The following FARP2 variants were observed in gnomAD, a reference collection of about 807,000 sequenced individuals.
FARP2 encodes FERM, ARHGEF and pleckstrin domain-containing protein 2.
A neutral mutation model predicts 130.5 loss-of-function variants in FARP2; 111 were observed. That is an observed-to-expected ratio of 0.85 (90% CI 0.73 to 1.00). The LOEUF (loss-of-function observed/expected upper bound fraction) is 1.00, where lower values mean the gene tolerates loss of function less well. Ranked by LOEUF, FARP2 falls within the 50% of genes least tolerant of loss-of-function variation. The probability of loss-of-function intolerance (pLI) is 0.00; values close to 1 mark genes in which losing one functional copy is unlikely to be tolerated. For synonymous variants in FARP2, 504 were observed against 516.9 expected, an observed-to-expected ratio of 0.98 and a Z score of 0.34; for missense variants, 1,385 against 1,346.3, an observed-to-expected ratio of 1.03 and a Z score of -0.45.
At chr2:241,473,366 A>G (rs1363292014) in intron 18 of FARP2, among the ~76,000 whole-genome samples, 1 of 149,460 alleles carries the variant, frequency 6.7e-6, no homozygotes, top group South Asian at 2.1e-4. Flanking sequence ...GGCAGATGCT[A>G]TTCTGTGGGG....
intron 19 of FARP2, among the ~76,000 whole-genome samples, chr2:241,477,123 C>CTTTTTTTTTTTT (rs71406462): frequency 6.5e-5 from 8 of 122,646 alleles, no homozygotes; most frequent in Admixed American, 9.9e-5. Context: ...ATTCATGTTC[C>CTTTTTTTTTTTT]TTTTTTTTTT....
At position 241,417,894 on chromosome 2, in the gene FARP2, A is replaced by G. The variant is rs567497297; in HGVS notation, c.624-68A>G. 33 of 1,542,928 alleles carry G rather than the reference A, an allele frequency of 2.1e-5. No homozygotes were observed. The African/African-American group carries it at 3.5e-4, about 17-fold the overall frequency. On this transcript the variant is annotated intron_variant, in intron 7 of 26. Transcript: ENST00000264042. ...ATTGTTGGTTTTCCTGATCGCTTCT[A>G]TAATGCATTTTGGCTCTTTCAGAAA... is the stretch of plus-strand genomic sequence containing the variant.
intron 12 of FARP2, among the ~76,000 whole-genome samples, chr2:241,438,465 G>A (rs1006687833): frequency 2.0e-5 from 3 of 152,104 alleles, no homozygotes; most frequent in Non-Finnish European, 4.4e-5. Flanking sequence ...GCTGAGGTAT[G>A]AGGATCACTT....
At chr2:241,357,557 A>G (rs889248389) in intron 1 of FARP2, among the ~76,000 whole-genome samples, 5 of 152,218 alleles carry the variant, frequency 3.3e-5, no homozygotes, top group Non-Finnish European at 7.3e-5. Context: ...CTTCAGAGAC[A>G]TGACCAAGTT....
At chr2:241,452,725 G>A (rs1214108761) in intron 13 of FARP2, among the ~76,000 whole-genome samples, 1 of 152,058 alleles carries the variant, frequency 6.6e-6, no homozygotes, top group Admixed American at 6.6e-5. Context: ...TGGAGCACCT[G>A]AAGTCATGAG....
chr2:241,464,260 G>T (rs1474303564), intron 17 of FARP2, among the ~76,000 whole-genome samples: 1 of 150,792 alleles, frequency 6.6e-6, no homozygotes, highest in Non-Finnish European at 1.5e-5. Flanking sequence ...CTCAAAACAA[G>T]GTTTCCTGAG....
intron 22 of FARP2, among the ~76,000 whole-genome samples, chr2:241,490,551 TA>T (rs2064865270): frequency 6.6e-6 from 1 of 152,066 alleles, no homozygotes; most frequent in Non-Finnish European, 1.5e-5. Context: ...CCTCCCCAGA[TA>T]AGATCAACAG....
At chr2:241,456,167 T>C (rs1161514885) in intron 13 of FARP2, among the ~76,000 whole-genome samples, 2 of 152,240 alleles carry the variant, frequency 1.3e-5, no homozygotes, top group Non-Finnish European at 2.9e-5. Flanking sequence ...AAATTATTAC[T>C]GTGTTTTAGA....
rs985089288 is a variant in FARP2, at chr2:241,386,762, G to A, written c.183+13472G>A. On this transcript the variant is annotated intron_variant, in intron 2 of 26. Coordinates refer to ENST00000264042, the MANE Select transcript of FARP2 (RefSeq NM_014808.4). Reference sequence around the variant, plus strand: ...CCAGATTTGTTATCTTACAAACAGAGGGAGTTTCAGCAAGCTGCTGTTTTT... The same window carrying A: ...CCAGATTTGTTATCTTACAAACAGAAGGAGTTTCAGCAAGCTGCTGTTTTT... 3 of 152,350 alleles carry A rather than the reference G, an allele frequency of 2.0e-5. No homozygotes were observed. In the South Asian group the frequency reaches 6.2e-4, roughly 32 times the overall value. The allele number at this position is 152,350 out of a possible 1,614,324, so 9.4% of individuals were successfully genotyped here. A position where few individuals can be genotyped will look rare whatever the true frequency, so the allele number is the denominator to read the frequency against.
Position 241,463,355 on chromosome 2 carries a change from G to A in FARP2, c.1698G>A (p.Val566=), listed in dbSNP as rs758935424. 3 of 1,614,120 alleles carry A rather than the reference G, an allele frequency of 1.9e-6. No individual in the cohort carries two copies. Among genetic ancestry groups the A allele is most frequent in the Admixed American group, 3.3e-5 (2 of 60,030 alleles). Residue 566 remains valine, a synonymous_variant, in exon 16 of 27, where the codon GTG becomes GTA. Transcript: ENST00000264042. ...VITVWFRSAV[V]KEDAMPATLM... ...CACAGTGGTTCCGCAGCGCAGTGGT[G>A]AAGGAGGACGCCATGCCTGCGACTC...
chr2:241,358,130 A>G (rs1189725549), intron 1 of FARP2, among the ~76,000 whole-genome samples: 1 of 152,246 alleles, frequency 6.6e-6, no homozygotes, highest in African/African-American at 2.4e-5. Flanking sequence ...TGGAGGTTGC[A>G]TTGAGCCAAG....
At position 241,418,260 on chromosome 2, in the gene FARP2, A is replaced by G. The variant is rs906177801; in HGVS notation, c.771+151A>G. ...GGGGCTTTGCATATCATCCAATCCA[A>G]CCTCTTACTCAGTGGGAAAATTAAT... On this transcript the variant is annotated intron_variant, in intron 8 of 26. Coordinates refer to ENST00000264042, the MANE Select transcript of FARP2 (RefSeq NM_014808.4). 4 of 762,998 alleles carry G rather than the reference A, an allele frequency of 5.2e-6. No individual in the cohort carries two copies. The East Asian group carries it at 7.7e-5, about 15-fold the overall frequency. The allele number at this position is 762,998 out of a possible 1,614,324, so 47.3% of individuals were successfully genotyped here.
At chr2:241,472,096 G>A (rs925973639) in intron 18 of FARP2, among the ~76,000 whole-genome samples, 16 of 150,046 alleles carry the variant, frequency 1.1e-4, no homozygotes, top group African/African-American at 3.7e-4. Flanking sequence ...GGGGGGTTCT[G>A]TTCTGTGGAG....
chr2:241,386,277 G>A (rs113192580), intron 2 of FARP2, among the ~76,000 whole-genome samples: 2 of 152,202 alleles, frequency 1.3e-5, no homozygotes, highest in African/African-American at 2.4e-5. Flanking sequence ...TAGAGATGGG[G>A]TCCCGCTGTT....
intron 9 of FARP2, among the ~76,000 whole-genome samples, chr2:241,433,503 TATACC>T (rs3067856): frequency 0.11 from 16,736 of 152,140 alleles, 1,165 homozygotes; most frequent in Non-Finnish European, 0.15. Context: ...TTTAAAAATA[TATACC>T]ATGTAGAAAC....
chr2:241,386,223 C>T (rs1575486226), intron 2 of FARP2, among the ~76,000 whole-genome samples: 1 of 152,078 alleles, frequency 6.6e-6, no homozygotes, highest in East Asian at 1.9e-4. Flanking sequence ...CTTCCAAGTG[C>T]CCCACCACAC....
chr2:241,388,685 A>G (rs2061842440), intron 2 of FARP2, among the ~76,000 whole-genome samples: 1 of 152,132 alleles, frequency 6.6e-6, no homozygotes, highest in African/African-American at 2.4e-5. Flanking sequence ...AAAATTAGCC[A>G]GGTGTGGTGT....
In FARP2 at chr2:241,463,486, C is replaced by A; in HGVS notation, c.1811+18C>A. The A allele has an allele frequency of 6.2e-7, 1 of 1,610,484 alleles. No homozygotes were observed. Among genetic ancestry groups the A allele is most frequent in the Non-Finnish European group, 8.5e-7 (1 of 1,178,540 alleles). On this transcript the variant is annotated intron_variant, in intron 16 of 26. Coordinates refer to ENST00000264042, the MANE Select transcript of FARP2 (RefSeq NM_014808.4). ...GCACTCTGGTAACACCCCTTCAGCC[C>A]CCACACGGGAGACTCCCACACCAAC...
At chr2:241,387,730 T>G (rs1394120229) in intron 2 of FARP2, among the ~76,000 whole-genome samples, 1 of 150,364 alleles carries the variant, frequency 6.7e-6, no homozygotes. Flanking sequence ...GAGGCGGAGC[T>G]TGCAGTGAGC....
Sources: gnomAD v4.1 joint callset for allele counts (sites outside exome capture counted in the v4.1 genomes callset) on GRCh38, gnomAD v4.1.1 for gene constraint, MANE v1.5 for transcripts, NCBI Gene and HGNC (gene_info 2026-07-23, HGNC 2026-07-21) for gene names.